Variants in GLIPR1L1 observed in about 807,000 individuals in gnomAD.
GLIPR1L1 encodes GLIPR1 like 1, also known as GLIPR1-like protein 1.
In GLIPR1L1, 26 loss-of-function variants were observed where a neutral mutation model predicts 29.9. The ratio of observed to expected loss-of-function variants is 0.87; its 90% CI spans 0.64 to 1.21. The LOEUF (loss-of-function observed/expected upper bound fraction) is 1.21. GLIPR1L1 is among the 50% of genes most tolerant of loss of function. The probability of loss-of-function intolerance (pLI) is 0.00; values close to 1 mark genes in which losing one functional copy is unlikely to be tolerated. For missense variants in GLIPR1L1, 305 were observed against 290.3 expected (o/e 1.05, Z -0.37); for synonymous variants, 77 against 97.5 (o/e 0.79, Z 1.24).
intron 1 of GLIPR1L1, 27 bp downstream of exon 1, chr12:75,334,929 T>TA: frequency 3.1e-6 from 5 of 1,600,158 alleles, no homozygotes; most frequent in Non-Finnish European, 4.3e-6. Context: ...GCTGGGCTCT[T>TA]AAATCCCTGA....
At chr12:75,369,795 G>C in intron 4 of GLIPR1L1, 165 bp from the exon 5 acceptor site, 3 of 982,600 alleles carry the variant, frequency 3.1e-6, no homozygotes, top group Non-Finnish European at 3.6e-6. Flanking sequence ...GCATCGTAAA[G>C]AGTTTTAAGT....
chr12:75,335,276 C>T (rs1437649699), intron 1 of GLIPR1L1, among the ~76,000 whole-genome samples: 1 of 151,998 alleles, frequency 6.6e-6, no homozygotes, highest in African/African-American at 2.4e-5. Flanking sequence ...AGAAATAGCC[C>T]AGGAATGGAG....
intron 1 of GLIPR1L1, 112 bp downstream of exon 1, chr12:75,335,014 G>T (rs2041626716): frequency 3.7e-6 from 4 of 1,067,192 alleles, no homozygotes; most frequent in Non-Finnish European, 5.4e-6. Flanking sequence ...TTACATATAT[G>T]CAGTTAAAAA....
intron 1 of GLIPR1L1, among the ~76,000 whole-genome samples, chr12:75,339,504 T>C (rs942558364): frequency 1.3e-5 from 2 of 152,200 alleles, no homozygotes; most frequent in Non-Finnish European, 2.9e-5. Context: ...CTTGGTCAGA[T>C]GGATAGATTG....
chr12:75,337,185 A>G (rs1250616385), intron 1 of GLIPR1L1, among the ~76,000 whole-genome samples: 1 of 151,870 alleles, frequency 6.6e-6, no homozygotes, highest in Admixed American at 6.5e-5. Flanking sequence ...CTATTCTTTC[A>G]ACTCAAGAAG....
In GLIPR1L1 at chr12:75,362,873, A is replaced by C. The variant is rs1052104105; in HGVS notation, c.522-229A>C. Among the ~76,000 whole-genome samples, 12 of 152,318 alleles carry C rather than the reference A, an allele frequency of 7.9e-5. No homozygotes were observed. The South Asian group carries it at 1.4e-3, about 18-fold the overall frequency. ...AATTACACTGGGTTCACATCTCATT[A>C]TTCTTCTATAGAATATTCAAGAATA... On this transcript the variant is annotated intron_variant, in intron 3 of 5. Coordinates refer to ENST00000378695, the MANE Select transcript of GLIPR1L1 (RefSeq NM_001304964.2).
chr12:75,366,403 G>C (rs2139655649), intron 4 of GLIPR1L1, among the ~76,000 whole-genome samples: 1 of 152,206 alleles, frequency 6.6e-6, no homozygotes, highest in African/African-American at 2.4e-5. Flanking sequence ...AGAGAACTTA[G>C]GAACTCTTGA....
At chr12:75,355,074 A>G (rs1293258695) in intron 3 of GLIPR1L1, among the ~76,000 whole-genome samples, 3 of 152,158 alleles carry the variant, frequency 2.0e-5, no homozygotes, top group Non-Finnish European at 4.4e-5. Flanking sequence ...GCATGGGCAA[A>G]CGTTTCAAGA....
chr12:75,362,653 T>A (rs952521922), intron 3 of GLIPR1L1, among the ~76,000 whole-genome samples: 1 of 152,170 alleles, frequency 6.6e-6, no homozygotes, highest in Non-Finnish European at 1.5e-5. Flanking sequence ...TGACTTATAC[T>A]ATTAAAAATC....
chr12:75,355,775 C>A (rs968835856), intron 3 of GLIPR1L1, among the ~76,000 whole-genome samples: 9 of 152,134 alleles, frequency 5.9e-5, no homozygotes, highest in Non-Finnish European at 1.0e-4. Context: ...GGTACATATA[C>A]AACATGGAAT....
chr12:75,350,570 G>T (rs1296185007), intron 3 of GLIPR1L1, among the ~76,000 whole-genome samples: 1 of 152,130 alleles, frequency 6.6e-6, no homozygotes, highest in Non-Finnish European at 1.5e-5. Flanking sequence ...GGTGAACAGG[G>T]TCTGGAGTAG....
intron 1 of GLIPR1L1, among the ~76,000 whole-genome samples, chr12:75,341,465 G>A (rs1490929002): frequency 1.3e-5 from 2 of 151,536 alleles, no homozygotes; most frequent in African/African-American, 4.8e-5. Flanking sequence ...TTTTTTCTTT[G>A]AAACGGAGTC....
At chr12:75,362,897 T>C (rs1193100434) in intron 3 of GLIPR1L1, among the ~76,000 whole-genome samples, 2 of 152,168 alleles carry the variant, frequency 1.3e-5, no homozygotes, top group African/African-American at 2.4e-5. Flanking sequence ...TATTCAAGAA[T>C]AGAACTTCCA....
chr12:75,343,919 T>C lies in GLIPR1L1; in HGVS notation c.401T>C (p.Val134Ala). The C allele has an allele frequency of 6.2e-7, 1 of 1,610,308 alleles. No individual in the cohort carries two copies. The highest frequency in any genetic ancestry group is 8.5e-7 in the Non-Finnish European group (1 of 1,177,336). ...TTTGATAGTCTATCATGCTCCAGAG[T>C]CTGTGGCCATTATACACAGGTAAAT... is the stretch of plus-strand genomic sequence containing the variant. The part of the protein sequence containing the change: ...YDFDSLSCSR[V>A]CGHYTQLVWA... Residue 134 changes from valine to alanine, a missense_variant, in exon 2 of 6, where the codon GTC (valine) becomes GCC (alanine). Coordinates refer to ENST00000378695, the MANE Select transcript of GLIPR1L1 (RefSeq NM_001304964.2).
intron 4 of GLIPR1L1, among the ~76,000 whole-genome samples, chr12:75,368,682 T>C (rs2044156924): frequency 6.6e-6 from 1 of 152,000 alleles, no homozygotes; most frequent in Non-Finnish European, 1.5e-5. Context: ...ATTTTTGACT[T>C]CAAGTTTGTA....
intron 3 of GLIPR1L1, among the ~76,000 whole-genome samples, chr12:75,348,985 C>G (rs937934513): frequency 1.3e-5 from 2 of 152,140 alleles, no homozygotes; most frequent in Non-Finnish European, 2.9e-5. Flanking sequence ...GGCTGGCTCC[C>G]TGGGTTGAAG....
In GLIPR1L1 at chr12:75,360,480, C is replaced by T. The variant is rs117374660; in HGVS notation, c.522-2622C>T. ...AGAGAAATTGGCCAAAACAAAGGGG[C>T]TATAGGCCCTGCACAAGTCCAAAAT... On this transcript the variant is annotated intron_variant, in intron 3 of 5. Transcript: ENST00000378695. 24 of 152,242 alleles carry T rather than the reference C, an allele frequency of 1.6e-4. No homozygotes were observed. In the East Asian group the frequency reaches 3.9e-3, roughly 25 times the overall value. The allele number at this position is 152,242 out of a possible 1,614,324, so 9.4% of individuals were successfully genotyped here. A position where few individuals can be genotyped will look rare whatever the true frequency, so the allele number is the denominator to read the frequency against.
chr12:75,362,984 A>G, intron 3 of GLIPR1L1, 118 bp from the exon 4 acceptor site: 1 of 530,106 alleles, frequency 1.9e-6, no homozygotes, highest in Non-Finnish European at 3.4e-6. Context: ...AGACATTATT[A>G]TTTTTCATTT....
chr12:75,364,220 A>C (rs2043811366), intron 4 of GLIPR1L1, among the ~76,000 whole-genome samples: 1 of 152,210 alleles, frequency 6.6e-6, no homozygotes, highest in South Asian at 2.1e-4. Flanking sequence ...ATAATGAGAC[A>C]TGTCTGACCT....
Sources: gnomAD v4.1 joint callset for allele counts (sites outside exome capture counted in the v4.1 genomes callset) on GRCh38, gnomAD v4.1.1 for gene constraint, MANE v1.5 for transcripts, NCBI Gene and HGNC (gene_info 2026-07-23, HGNC 2026-07-21) for gene names.